Variants in PPP4R1 observed in about 807,000 individuals in gnomAD.
PPP4R1 encodes the protein protein phosphatase 4 regulatory subunit 1, also known as serine/threonine-protein phosphatase 4 regulatory subunit 1.
Under a neutral mutation model 111.2 loss-of-function variants are expected in PPP4R1, and 42 were observed. The ratio of observed to expected loss-of-function variants is 0.38; its 90% CI spans 0.29 to 0.49. The LOEUF is 0.49. Ranked by LOEUF, PPP4R1 falls within the 20% of genes least tolerant of loss-of-function variation. The pLI is 0.97. For missense variants in PPP4R1, 1,012 were observed against 1,161.6 expected (o/e 0.87, Z 1.87); for synonymous variants, 409 against 405.5 (o/e 1.01, Z -0.10).
Position 9,586,563 on chromosome 18 carries a change from T to C in PPP4R1, c.585+1526A>G, listed in dbSNP as rs116605308. Among the ~76,000 whole-genome samples the C allele has an allele frequency of 8.8e-3, 1,314 of 149,996 alleles. 18 individuals are homozygous for C. Among genetic ancestry groups the C allele is most frequent in the African/African-American group, 0.031 (1,266 of 41,418 alleles). ...AACATTACTGAAAAAGTAAATTTAT[T>C]ATTAACTGGTAACTGAGTATCTAAA... On this transcript the variant is annotated intron_variant, in intron 6 of 19. Transcript: ENST00000400556.
intron 16 of PPP4R1, among the ~76,000 whole-genome samples, chr18:9,552,785 T>C (rs979524416): frequency 3.3e-5 from 5 of 152,204 alleles, no homozygotes; most frequent in African/African-American, 9.6e-5. Context: ...CCTAAACGAA[T>C]GTGGTATATC....
chr18:9,577,097 C>T lies in PPP4R1; in HGVS notation c.1013G>A (p.Ser338Asn). Residue 338 changes from serine (S) to asparagine (N), a missense_variant, in exon 10 of 20, where the codon AGT (serine) becomes AAT (asparagine). By Grantham distance (46) the Ser-to-Asn change is conservative (BLOSUM62 1). Around this residue, in one of 2 missense-constraint regions of PPP4R1, gnomAD observed 707 missense variants for 742.1 expected, o/e 0.95. Coordinates refer to ENST00000400556, the MANE Select transcript of PPP4R1 (RefSeq NM_001042388.3). ...GTTTTCTACTGACATCTCTTCTGAA[C>T]TTTTGCTTTCTTCTTTAAAATACTG... is the stretch of plus-strand genomic sequence containing the variant. Reference protein sequence around the residue: ...SGQYFKEESKSSEEMSVENKN... With the variant: ...SGQYFKEESKNSEEMSVENKN... The T allele has an allele frequency of 6.3e-7, 1 of 1,593,596 alleles. No homozygotes were observed. Among genetic ancestry groups the T allele is most frequent in the Non-Finnish European group, 8.6e-7 (1 of 1,168,018 alleles).
In PPP4R1 at chr18:9,547,356, CTGA is replaced by C. The variant is rs2066416623; in HGVS notation, c.*430_*432del. 1 of 165,814 alleles carries C rather than the reference CTGA, an allele frequency of 6.0e-6. No homozygotes were observed. Among genetic ancestry groups the C allele is most frequent in the Admixed American group, 5.8e-5 (1 of 17,160 alleles). 10.3% of individuals were successfully genotyped at this position (165,814 alleles called of 1,614,324 possible). ...TGGGAGAGAAGAGTTAGGGCTGATA[CTGA>C]AGGTCTCTTTCACATCTGGGCACAC... On this transcript the variant is annotated 3_prime_UTR_variant, in exon 20 of 20. Transcript: ENST00000400556.
At chr18:9,565,656 C>T (rs2066753149) in intron 11 of PPP4R1, among the ~76,000 whole-genome samples, 3 of 152,222 alleles carry the variant, frequency 2.0e-5, no homozygotes, top group Admixed American at 6.5e-5. Flanking sequence ...CCAGCCACAA[C>T]GTTCTCTTAA....
Position 9,547,514 on chromosome 18 carries a change from CA to C in PPP4R1, c.*274del. ...TCTGCCAATTCAAGTTTCATTCAGT[CA>C]GGAAGACAGAAGGATTTAAGGCTTC... On this transcript the variant is annotated 3_prime_UTR_variant, in exon 20 of 20. Coordinates refer to ENST00000400556, the MANE Select transcript of PPP4R1 (RefSeq NM_001042388.3). The C allele has an allele frequency of 3.3e-6, 1 of 305,558 alleles. No homozygotes were observed. The allele number at this position is 305,558 out of a possible 1,614,324, so 18.9% of individuals were successfully genotyped here.
In PPP4R1 at chr18:9,546,820, A is replaced by C. The variant is rs1244989872; in HGVS notation, c.*969T>G. The C allele has an allele frequency of 6.6e-6, 1 of 152,244 alleles. No individual in the cohort carries two copies. The highest frequency in any genetic ancestry group is 1.5e-5 in the Non-Finnish European group (1 of 68,042). 9.4% of individuals were successfully genotyped at this position (152,244 alleles called of 1,614,324 possible). A position where few individuals can be genotyped will look rare whatever the true frequency, so the allele number is the denominator to read the frequency against. ...AGTTAAAAGACAAATATTTTAATCT[A>C]GTTTCCCCACTTTAAATCATTAATA... is the stretch of plus-strand genomic sequence containing the variant. On this transcript the variant is annotated 3_prime_UTR_variant, in exon 20 of 20. Coordinates refer to ENST00000400556, the MANE Select transcript of PPP4R1 (RefSeq NM_001042388.3).
intron 4 of PPP4R1, 36 bp from the exon 5 acceptor site, chr18:9,588,889 T>C: frequency 6.2e-7 from 1 of 1,601,340 alleles, no homozygotes; most frequent in Non-Finnish European, 8.5e-7. Flanking sequence ...AAACATGTTC[T>C]CCTGCAGCAA....
chr18:9,598,801 G>T (rs1181295374), intron 2 of PPP4R1, among the ~76,000 whole-genome samples: 2 of 152,250 alleles, frequency 1.3e-5, no homozygotes, highest in South Asian at 2.1e-4. Flanking sequence ...GAGGCGGATG[G>T]ATCACTTGAG....
In PPP4R1 at chr18:9,570,169, G is replaced by T; in HGVS notation, c.1561C>A (p.Pro521Thr). ...IENLEPHIDD[P>T]DVKAQVEVLS... is the part of the protein sequence containing the mutation. ...TTGACTTCCATACCTTTAACATCTGGATCATCAATGTGGGGCTCTAGATTT... is the reference window on the plus strand; with the variant it reads ...TTGACTTCCATACCTTTAACATCTGTATCATCAATGTGGGGCTCTAGATTT... Residue 521 changes from proline to threonine, a missense_variant, in exon 11 of 20, where the codon CCA becomes ACA. Around this residue, in one of 2 missense-constraint regions of PPP4R1, gnomAD observed 707 missense variants for 742.1 expected, o/e 0.95. Coordinates refer to ENST00000400556, the MANE Select transcript of PPP4R1 (RefSeq NM_001042388.3). 1 of 1,511,342 alleles carries T rather than the reference G, an allele frequency of 6.6e-7. No homozygotes were observed. The highest frequency in any genetic ancestry group is 1.3e-5 in the South Asian group (1 of 74,290). 93.6% of individuals were successfully genotyped at this position (1,511,342 alleles called of 1,614,324 possible). A position where few individuals can be genotyped will look rare whatever the true frequency, so the allele number is the denominator to read the frequency against.
intron 11 of PPP4R1, among the ~76,000 whole-genome samples, chr18:9,566,456 C>G (rs929015761): frequency 2.0e-5 from 3 of 151,690 alleles, no homozygotes; most frequent in Non-Finnish European, 4.4e-5. Flanking sequence ...GCGAGACCAG[C>G]CTGGCCAGCA....
At chr18:9,580,138 T>C (rs2067002663) in intron 9 of PPP4R1, among the ~76,000 whole-genome samples, 1 of 152,136 alleles carries the variant, frequency 6.6e-6, no homozygotes, top group Non-Finnish European at 1.5e-5. Flanking sequence ...CAATTTTGTT[T>C]TGGGAATGAA....
intron 2 of PPP4R1, among the ~76,000 whole-genome samples, chr18:9,608,733 C>T (rs2067526863): frequency 6.6e-6 from 1 of 152,092 alleles, no homozygotes; most frequent in Non-Finnish European, 1.5e-5. Context: ...AATTTAGGAA[C>T]TTTCAAATTC....
At chr18:9,551,664 G>T (rs1374649191) in intron 16 of PPP4R1, 2 of 152,260 alleles carry the variant, frequency 1.3e-5, no homozygotes, top group East Asian at 3.8e-4. Context: ...TGGTGGAGGG[G>T]CCCCAAAGCC....
At position 9,583,134 on chromosome 18, in the gene PPP4R1, T is replaced by C. The variant is rs184396067; in HGVS notation, c.901A>G (p.Ser301Gly). ...AACCCTACCCAACGTGAAGGATCAC[T>C]GATCAAATTAATAAAAAGTGCTGAT... ...KLSALFINLI[S>G]DPSRWVRQAA... is the part of the protein sequence containing the mutation. Residue 301 changes from serine to glycine, a missense_variant, in exon 9 of 20, where the codon AGT becomes GGT. Around this residue, in one of 2 missense-constraint regions of PPP4R1, gnomAD observed 707 missense variants for 742.1 expected, o/e 0.95. Transcript: ENST00000400556. The C allele has an allele frequency of 7.3e-5, 117 of 1,610,360 alleles. No homozygotes were observed. The highest frequency in any genetic ancestry group is 9.4e-5 in the Non-Finnish European group (111 of 1,177,480).
chr18:9,557,236 C>T lies in PPP4R1; in HGVS notation c.2175G>A (p.Leu725=). Residue 725 remains leucine, a synonymous_variant, in exon 15 of 20, where the codon TTG becomes TTA. Transcript: ENST00000400556. ...TAAAAGTTACCTTCAGAAAATCATGCAAGTGTTTAAGAACACCTATCCTGA... is the reference window on the plus strand; with the variant it reads ...TAAAAGTTACCTTCAGAAAATCATGTAAGTGTTTAAGAACACCTATCCTGA... The part of the protein sequence containing the change: ...DEVRIGVLKH[L]HDFLKLLHID... 2 of 1,576,100 alleles carry T rather than the reference C, an allele frequency of 1.3e-6. No individual in the cohort carries two copies. Among genetic ancestry groups the T allele is most frequent in the South Asian group, 1.2e-5 (1 of 84,230 alleles).
chr18:9,614,327 C>CG lies in PPP4R1; in HGVS notation c.8-58_8-57insC. On this transcript the variant is annotated intron_variant, in intron 1 of 19. Coordinates refer to ENST00000400556, the MANE Select transcript of PPP4R1 (RefSeq NM_001042388.3). This position sits in a 1 kb window ranked among gnomAD's most constrained non-coding sequence, Gnocchi z 4.1. ...CAGCGCCCCGGGGCCCGGCGCGACGCCCCCCCCCCGCCCGCCTCCCCCCCG... is the reference window on the plus strand; with the variant it reads ...CAGCGCCCCGGGGCCCGGCGCGACGCGCCCCCCCCCGCCCGCCTCCCCCCCG... 1 of 828,578 alleles carries CG rather than the reference C, an allele frequency of 1.2e-6. No individual in the cohort carries two copies. Among genetic ancestry groups the CG allele is most frequent in the East Asian group, 8.1e-5 (1 of 12,390 alleles). The allele number at this position is 828,578 out of a possible 1,614,324, so 51.3% of individuals were successfully genotyped here. A position where few individuals can be genotyped will look rare whatever the true frequency, so the allele number is the denominator to read the frequency against.
At chr18:9,549,424 A>T in intron 18 of PPP4R1, 86 bp from the exon 19 acceptor site, 1 of 1,495,870 alleles carries the variant, frequency 6.7e-7, no homozygotes, top group Non-Finnish European at 9.1e-7. Context: ...CTGAGTGACC[A>T]CAGGTACAAA....
intron 4 of PPP4R1, among the ~76,000 whole-genome samples, chr18:9,591,608 C>G (rs1485778020): frequency 1.3e-5 from 2 of 152,146 alleles, no homozygotes; most frequent in Non-Finnish European, 2.9e-5. Flanking sequence ...CACTTCAGAG[C>G]TATGTTATTA....
intron 2 of PPP4R1, among the ~76,000 whole-genome samples, chr18:9,607,878 G>T (rs999104468): frequency 6.6e-6 from 1 of 150,912 alleles, no homozygotes; most frequent in Non-Finnish European, 1.5e-5. Flanking sequence ...TGCCTCCCAG[G>T]TTCAAGTGAT....
Sources: gnomAD v4.1 joint callset for allele counts (sites outside exome capture counted in the v4.1 genomes callset) on GRCh38, gnomAD v4.1.1 for gene constraint, gnomAD v4.1.1 regional missense constraint, Gnocchi (gnomAD v3.1) non-coding constraint, MANE v1.5 for transcripts, NCBI Gene and HGNC (gene_info 2026-07-23, HGNC 2026-07-21) for gene names.